Variants in CLSTN2 observed in about 807,000 individuals in gnomAD.
CLSTN2 encodes calsyntenin-2.
A neutral mutation model predicts 101.2 loss-of-function variants in CLSTN2; 48 were observed. The observed-to-expected ratio is 0.47, with a 90% CI of 0.38 to 0.60. The LOEUF (loss-of-function observed/expected upper bound fraction) is 0.60, where lower values mean the gene tolerates loss of function less well. Ranked by LOEUF, CLSTN2 falls within the 20% of genes least tolerant of loss-of-function variation. CLSTN2 has a pLI of 0.00. For synonymous variants in CLSTN2, 481 were observed against 463.6 expected, an observed-to-expected ratio of 1.04 and a Z score of -0.48; for missense variants, 1,160 against 1,238.2, an observed-to-expected ratio of 0.94 and a Z score of 0.95.
intron 5 of CLSTN2, among the ~76,000 whole-genome samples, chr3:140,423,831 C>T (rs1201599782): frequency 3.9e-5 from 6 of 152,146 alleles, no homozygotes; most frequent in Non-Finnish European, 7.3e-5. Context: ...CTTACGTGCC[C>T]ACCCTATCTA....
At chr3:140,254,243 A>G (rs2086587060) in intron 2 of CLSTN2, among the ~76,000 whole-genome samples, 1 of 152,194 alleles carries the variant, frequency 6.6e-6, no homozygotes, top group Admixed American at 6.5e-5. Context: ...CTGCAAGAAG[A>G]AAAAATCATT....
At chr3:140,366,866 T>C (rs2087796404) in intron 2 of CLSTN2, among the ~76,000 whole-genome samples, 2 of 152,250 alleles carry the variant, frequency 1.3e-5, no homozygotes, top group Non-Finnish European at 2.9e-5. Context: ...AGAGCCGATG[T>C]CCTGGGCGTT....
intron 2 of CLSTN2, among the ~76,000 whole-genome samples, chr3:140,215,811 G>A (rs749367661): frequency 5.1e-4 from 77 of 152,172 alleles, no homozygotes; most frequent in Non-Finnish European, 9.4e-4. Context: ...CATATAAAAT[G>A]CTTAAAACAG....
chr3:140,142,428 G>A (rs534608270), intron 1 of CLSTN2, among the ~76,000 whole-genome samples: 42 of 152,262 alleles, frequency 2.8e-4, no homozygotes, highest in African/African-American at 8.4e-4. Context: ...AGAAGGCTTC[G>A]CACCACAGCT....
chr3:140,353,935 G>A (rs774404812), intron 2 of CLSTN2, among the ~76,000 whole-genome samples: 6 of 152,174 alleles, frequency 3.9e-5, no homozygotes, highest in Admixed American at 3.3e-4. Flanking sequence ...AGACCATAGA[G>A]GTGCTGAACT....
intron 2 of CLSTN2, among the ~76,000 whole-genome samples, chr3:140,348,739 T>C (rs1033694654): frequency 1.3e-5 from 2 of 152,224 alleles, no homozygotes; most frequent in East Asian, 3.8e-4. Flanking sequence ...GTCTGCCTAA[T>C]ATGTGAGGCC....
intron 2 of CLSTN2, among the ~76,000 whole-genome samples, chr3:140,235,871 T>C (rs1042180514): frequency 5.3e-5 from 8 of 152,264 alleles, no homozygotes; most frequent in Admixed American, 1.3e-4. Flanking sequence ...AATACATTGC[T>C]TAACAAAAGC....
At chr3:140,252,274 G>A (rs2086570882) in intron 2 of CLSTN2, among the ~76,000 whole-genome samples, 1 of 152,192 alleles carries the variant, frequency 6.6e-6, no homozygotes, top group Non-Finnish European at 1.5e-5. Context: ...AAACTCCACA[G>A]TGAAACTCAA....
intron 1 of CLSTN2, among the ~76,000 whole-genome samples, chr3:140,109,938 C>T (rs2009125314): frequency 6.6e-6 from 1 of 151,922 alleles, no homozygotes; most frequent in Admixed American, 6.6e-5. Flanking sequence ...TTAAAAGCAC[C>T]CCAGGTTTCC....
intron 1 of CLSTN2, among the ~76,000 whole-genome samples, chr3:140,070,380 G>T (rs953573628): frequency 2.6e-4 from 39 of 152,158 alleles, no homozygotes; most frequent in African/African-American, 8.9e-4. Flanking sequence ...CTCATTATAA[G>T]CCTTGTATTA....
chr3:140,460,121 T>C (rs1004608183), intron 7 of CLSTN2: 1 of 260,620 alleles, frequency 3.8e-6, no homozygotes, highest in Admixed American at 4.8e-5. Flanking sequence ...TTATTCCTAC[T>C]TCAAACAAAG....
intron 2 of CLSTN2, among the ~76,000 whole-genome samples, chr3:140,235,879 A>G (rs902253010): frequency 6.6e-6 from 1 of 152,210 alleles, no homozygotes; most frequent in African/African-American, 2.4e-5. Context: ...GCTTAACAAA[A>G]GCAAGAGGTT....
intron 1 of CLSTN2, among the ~76,000 whole-genome samples, chr3:140,123,821 C>T (rs201545924): frequency 8.1e-6 from 1 of 122,708 alleles, no homozygotes; most frequent in Non-Finnish European, 1.7e-5. Context: ...TATATATATA[C>T]ACATATATAT....
intron 1 of CLSTN2, among the ~76,000 whole-genome samples, chr3:139,953,976 T>A (rs572346951): frequency 7.8e-6 from 1 of 128,420 alleles, no homozygotes; most frequent in African/African-American, 2.6e-5. Flanking sequence ...TTTTTCCCCT[T>A]CTAACTTTTA....
In CLSTN2 at chr3:140,121,749, T is replaced by C. The variant is rs143209523; in HGVS notation, c.110-54202T>C. ...GAAAAAGCATGAGGCTTGGCTTAGG[T>C]GCTGTTTGGTGGGCTTGGTGAGAGG... On this transcript the variant is annotated intron_variant, in intron 1 of 16. Coordinates refer to ENST00000458420, the MANE Select transcript of CLSTN2 (RefSeq NM_022131.3). 2.5e-3 allele frequency among the ~76,000 whole-genome samples: 382 copies of C among 152,250 alleles called. 5 individuals carry two copies. Among genetic ancestry groups the C allele is most frequent in the East Asian group, 5.2e-3 (27 of 5,160 alleles).
intron 2 of CLSTN2, among the ~76,000 whole-genome samples, chr3:140,349,488 T>C (rs895368782): frequency 2.6e-5 from 4 of 152,228 alleles, no homozygotes; most frequent in Non-Finnish European, 5.9e-5. Context: ...ATCCATTTAT[T>C]GATTCAAGAA....
chr3:140,401,783 ACTTTAGAGGTTCATCTATTCAACGCTT>A (rs1204759166), intron 2 of CLSTN2, among the ~76,000 whole-genome samples: 1 of 152,346 alleles, frequency 6.6e-6, no homozygotes, highest in East Asian at 1.9e-4. Context: ...AAAAGCAGCT[ACTTTAGAGGTTCATCTATTCAACGCTT>A]CTAATTTAGA....
At chr3:140,074,556 G>T (rs1471770288) in intron 1 of CLSTN2, among the ~76,000 whole-genome samples, 1 of 152,106 alleles carries the variant, frequency 6.6e-6, no homozygotes, top group Non-Finnish European at 1.5e-5. Context: ...CGTTAACAGA[G>T]GTGTAAAAAT....
chr3:140,322,920 A>G (rs889856479), intron 2 of CLSTN2, among the ~76,000 whole-genome samples: 1 of 152,268 alleles, frequency 6.6e-6, no homozygotes, highest in African/African-American at 2.4e-5. Flanking sequence ...AATCTAAGGG[A>G]GAAATAAAAA....
Sources: gnomAD v4.1 joint callset for allele counts (sites outside exome capture counted in the v4.1 genomes callset) on GRCh38, gnomAD v4.1.1 for gene constraint, MANE v1.5 for transcripts, NCBI Gene and HGNC (gene_info 2026-07-23, HGNC 2026-07-21) for gene names.